ATF2: variants seen among roughly 807,000 people sequenced by gnomAD.
The protein encoded by ATF2 is cyclic AMP-dependent transcription factor ATF-2.
Under a neutral mutation model 60.6 loss-of-function variants are expected in ATF2, and 24 were observed. That is an observed-to-expected ratio of 0.40 (90% confidence interval 0.29 to 0.56). The LOEUF (loss-of-function observed/expected upper bound fraction) is 0.56. Among genes scored for constraint, ATF2 ranks in the 20% least tolerant of loss-of-function variants. The pLI is 0.54. For missense variants in ATF2, 433 were observed against 607.7 expected, an observed-to-expected ratio of 0.71 and a Z score of 3.02; for synonymous variants, 206 against 215.4, an observed-to-expected ratio of 0.96 and a Z score of 0.38.
intron 1 of ATF2, chr2:175,167,648 G>A (rs79402775): frequency 0.039 from 19,500 of 500,784 alleles, 870 homozygotes; most frequent in East Asian, 0.16. Context: ...GGGTGGGAGA[G>A]GTCTCCCTGC....
intron 1 of ATF2, among the ~76,000 whole-genome samples, chr2:175,165,483 G>A (rs1700294903): frequency 6.6e-6 from 1 of 152,136 alleles, no homozygotes. Context: ...CATTAAAACC[G>A]AAGTTTTCCA....
intron 5 of ATF2, among the ~76,000 whole-genome samples, chr2:175,121,117 C>T (rs1480633228): frequency 6.6e-6 from 1 of 151,708 alleles, no homozygotes; most frequent in Non-Finnish European, 1.5e-5. Flanking sequence ...TTGTACAAGA[C>T]AGCTAAAAGA....
At chr2:175,119,978 A>G (rs1574416739) in intron 5 of ATF2, among the ~76,000 whole-genome samples, 1 of 151,612 alleles carries the variant, frequency 6.6e-6, no homozygotes, top group Non-Finnish European at 1.5e-5. Flanking sequence ...TATACCACAC[A>G]CATCATGCAT....
chr2:175,076,585 G>A (rs1439589182), intron 13 of ATF2, among the ~76,000 whole-genome samples: 2 of 151,842 alleles, frequency 1.3e-5, no homozygotes, highest in African/African-American at 2.4e-5. Flanking sequence ...TTCTGATCAA[G>A]CAGTAATGAA....
At chr2:175,091,084 A>G (rs1439650182) in intron 12 of ATF2, among the ~76,000 whole-genome samples, 1 of 152,168 alleles carries the variant, frequency 6.6e-6, no homozygotes, top group Non-Finnish European at 1.5e-5. Context: ...AATCCCTGTA[A>G]ATAATAACAT....
intron 1 of ATF2, among the ~76,000 whole-genome samples, chr2:175,166,184 T>C (rs536948343): frequency 6.6e-6 from 1 of 152,340 alleles, no homozygotes; most frequent in African/African-American, 2.4e-5. Context: ...AGCTCCTTCC[T>C]GACAATTAAA....
chr2:175,141,008 A>ATATATAT (rs1698472643), intron 2 of ATF2, among the ~76,000 whole-genome samples: 1 of 81,836 alleles, frequency 1.2e-5, no homozygotes, highest in Non-Finnish European at 2.3e-5. Context: ...GGAAAAAAAA[A>ATATATAT]AAAAAAAAAA....
chr2:175,075,088 C>T, intron 13 of ATF2: 5 of 1,311,200 alleles, frequency 3.8e-6, no homozygotes, highest in Non-Finnish European at 4.9e-6. Context: ...GAAATATTTG[C>T]TAAATAGTGT....
intron 7 of ATF2, among the ~76,000 whole-genome samples, chr2:175,117,775 T>C (rs548762859): frequency 7.2e-5 from 11 of 152,116 alleles, no homozygotes; most frequent in Non-Finnish European, 1.3e-4. Flanking sequence ...ATAAGTTTTA[T>C]GTAACATGAC....
intron 4 of ATF2, among the ~76,000 whole-genome samples, chr2:175,124,206 A>G (rs1034502144): frequency 6.6e-6 from 1 of 151,950 alleles, no homozygotes; most frequent in Non-Finnish European, 1.5e-5. Flanking sequence ...TACTGTAGAT[A>G]TACAAAGAAA....
At chr2:175,103,245 T>C (rs147159555) in intron 10 of ATF2, among the ~76,000 whole-genome samples, 1 of 152,340 alleles carries the variant, frequency 6.6e-6, no homozygotes, top group East Asian at 1.9e-4. Flanking sequence ...ATCAGAGTAA[T>C]AACCCTCCTT....
intron 10 of ATF2, among the ~76,000 whole-genome samples, chr2:175,107,778 G>C (rs978355988): frequency 6.6e-6 from 1 of 152,186 alleles, no homozygotes; most frequent in African/African-American, 2.4e-5. Context: ...TGTGTTGGCC[G>C]GGCTGGTCTC....
At chr2:175,082,862 G>C (rs1036909258) in intron 12 of ATF2, among the ~76,000 whole-genome samples, 1 of 152,100 alleles carries the variant, frequency 6.6e-6, no homozygotes, top group Non-Finnish European at 1.5e-5. Flanking sequence ...TGTCAACTCA[G>C]AACAGTTTAG....
chr2:175,081,474 G>C (rs1217870566), intron 12 of ATF2, among the ~76,000 whole-genome samples: 2 of 152,168 alleles, frequency 1.3e-5, no homozygotes, highest in Non-Finnish European at 2.9e-5. Context: ...AATTGAGCAA[G>C]TCCGACTAAT....
chr2:175,128,732 A>C (rs1211909294), intron 4 of ATF2, among the ~76,000 whole-genome samples: 10 of 152,124 alleles, frequency 6.6e-5, no homozygotes, highest in Non-Finnish European at 1.2e-4. Flanking sequence ...TCTGCTCATC[A>C]AAAGATATTA....
chr2:175,084,743 T>G (rs762544786), intron 12 of ATF2, among the ~76,000 whole-genome samples: 1 of 152,072 alleles, frequency 6.6e-6, no homozygotes, highest in African/African-American at 2.4e-5. Flanking sequence ...TGTATACATA[T>G]AGATCTCTTC....
intron 1 of ATF2, among the ~76,000 whole-genome samples, chr2:175,161,194 T>C (rs1286756799): frequency 1.3e-5 from 2 of 152,182 alleles, no homozygotes; most frequent in Non-Finnish European, 2.9e-5. Context: ...CTCAAATGAA[T>C]TTACGAAAAT....
intron 3 of ATF2, among the ~76,000 whole-genome samples, chr2:175,134,801 C>A (rs1009430934): frequency 3.3e-5 from 5 of 151,376 alleles, no homozygotes; most frequent in Non-Finnish European, 7.4e-5. Flanking sequence ...CTGGGAAAGA[C>A]GGCGTGACCC....
intron 1 of ATF2, among the ~76,000 whole-genome samples, chr2:175,156,034 G>C (rs1047752092): frequency 6.6e-6 from 1 of 151,968 alleles, no homozygotes. Flanking sequence ...CTGTTAATAG[G>C]TTACCTTCCA....
Sources: gnomAD v4.1 joint callset for allele counts (sites outside exome capture counted in the v4.1 genomes callset) on GRCh38, gnomAD v4.1.1 for gene constraint, MANE v1.5 for transcripts, NCBI Gene and HGNC (gene_info 2026-07-23, HGNC 2026-07-21) for gene names.